The following KLHL20 variants were observed in gnomAD, a reference collection of about 807,000 sequenced individuals.
KLHL20 encodes kelch-like protein 20.
A neutral mutation model predicts 69.5 loss-of-function variants in KLHL20; 29 were observed. That is an observed-to-expected ratio of 0.42 (90% CI 0.31 to 0.57). The LOEUF (loss-of-function observed/expected upper bound fraction) is 0.57, where lower values mean the gene tolerates loss of function less well. KLHL20 is among the 20% of genes least tolerant of loss of function. KLHL20 has a pLI of 0.18. For missense variants in KLHL20, 419 were observed against 776.0 expected, an observed-to-expected ratio of 0.54 and a Z score of 5.47; for synonymous variants, 253 against 265.2, an observed-to-expected ratio of 0.95 and a Z score of 0.45.
intron 2 of KLHL20, among the ~76,000 whole-genome samples, chr1:173,725,804 C>T (rs891374869): frequency 6.6e-6 from 1 of 152,228 alleles, no homozygotes; most frequent in Non-Finnish European, 1.5e-5. Flanking sequence ...CTCCAGTCTA[C>T]AGCTTCCAGC....
At chr1:173,741,137 T>C (rs539410244) in intron 3 of KLHL20, among the ~76,000 whole-genome samples, 1 of 152,312 alleles carries the variant, frequency 6.6e-6, no homozygotes, top group South Asian at 2.1e-4. Context: ...TCTCATACTT[T>C]TGGGCACTCA....
intron 2 of KLHL20, among the ~76,000 whole-genome samples, chr1:173,730,651 AAAAC>A (rs1672224921): frequency 6.6e-6 from 1 of 152,254 alleles, no homozygotes; most frequent in African/African-American, 2.4e-5. Flanking sequence ...TGGTGCTGGG[AAAAC>A]TGGCTAGCTG....
chr1:173,738,361 G>A lies in KLHL20; in HGVS notation c.597+4075G>A, dbSNP rs546880894. Among the ~76,000 whole-genome samples, 8 of 152,196 alleles carry A rather than the reference G, an allele frequency of 5.3e-5. No homozygotes were observed. The South Asian group carries it at 1.0e-3, about 20-fold the overall frequency. ...TTTTTGTATTTTTCTGTAGAGACACGGTTTTGCCATGTTGCCCAGGCTGGT... is the reference window on the plus strand; with the variant it reads ...TTTTTGTATTTTTCTGTAGAGACACAGTTTTGCCATGTTGCCCAGGCTGGT... On this transcript the variant is annotated intron_variant, in intron 3 of 11. Transcript: ENST00000209884.
Position 173,731,417 on chromosome 1 carries a change from C to T in KLHL20, c.24-2296C>T, listed in dbSNP as rs559552320. On this transcript the variant is annotated intron_variant, in intron 2 of 11. Transcript: ENST00000209884. ...ATGCTGCTATAAAGACACATGCACA[C>T]GTATGTTCATTGTGGCACTATTCAC... Among the ~76,000 whole-genome samples, 132 of 152,234 alleles carry T rather than the reference C, an allele frequency of 8.7e-4. 3 individuals carry two copies. The South Asian group carries it at 0.013, about 15-fold the overall frequency.
At chr1:173,719,588 C>CAG (rs774294658) in intron 2 of KLHL20, among the ~76,000 whole-genome samples, 77 of 150,934 alleles carry the variant, frequency 5.1e-4, no homozygotes, top group Middle Eastern at 6.9e-3. Context: ...CACTGCACTC[C>CAG]AGCCTGATGA....
At chr1:173,775,889 A>G (rs768777822) in intron 10 of KLHL20, 47 bp downstream of exon 10, 1 of 1,514,220 alleles carries the variant, frequency 6.6e-7, no homozygotes, top group East Asian at 2.3e-5. Flanking sequence ...TTGGCTATTA[A>G]TAGTGCTGCA....
At chr1:173,779,599 C>G (rs1046121560) in intron 10 of KLHL20, among the ~76,000 whole-genome samples, 1 of 152,122 alleles carries the variant, frequency 6.6e-6, no homozygotes, top group Admixed American at 6.5e-5. Flanking sequence ...GATCCACCCC[C>G]CTCAGCCTCC....
intron 7 of KLHL20, among the ~76,000 whole-genome samples, chr1:173,760,738 C>T (rs563204999): frequency 2.0e-5 from 3 of 152,128 alleles, no homozygotes; most frequent in Non-Finnish European, 4.4e-5. Flanking sequence ...TGAAAGAAAT[C>T]CTGGAAACAC....
chr1:173,740,005 T>C (rs1207139733), intron 3 of KLHL20, among the ~76,000 whole-genome samples: 1 of 152,130 alleles, frequency 6.6e-6, no homozygotes, highest in Non-Finnish European at 1.5e-5. Flanking sequence ...ATCTTGATAA[T>C]GGTCTATCCA....
At chr1:173,757,215 A>G in intron 7 of KLHL20, 56 bp downstream of exon 7, 1 of 1,456,520 alleles carries the variant, frequency 6.9e-7, no homozygotes, top group Non-Finnish European at 9.3e-7. Flanking sequence ...TTTATTTGAG[A>G]TGTTAATTAG....
chr1:173,761,474 C>T (rs1339906349), intron 7 of KLHL20, among the ~76,000 whole-genome samples: 1 of 152,094 alleles, frequency 6.6e-6, no homozygotes, highest in Non-Finnish European at 1.5e-5. Context: ...CAAGATAGAC[C>T]ATAAGATAGG....
intron 3 of KLHL20, among the ~76,000 whole-genome samples, chr1:173,746,553 A>G (rs557163103): frequency 1.3e-5 from 2 of 152,232 alleles, no homozygotes; most frequent in East Asian, 3.9e-4. Flanking sequence ...GAGGTATACA[A>G]AGTAATCTCT....
intron 2 of KLHL20, among the ~76,000 whole-genome samples, chr1:173,732,835 A>T (rs1344621268): frequency 6.6e-6 from 1 of 152,172 alleles, no homozygotes; most frequent in Non-Finnish European, 1.5e-5. Context: ...GTACTTTTAA[A>T]TGAAGCTTAT....
At chr1:173,752,946 T>A (rs1255826685) in intron 4 of KLHL20, among the ~76,000 whole-genome samples, 1 of 152,008 alleles carries the variant, frequency 6.6e-6, no homozygotes, top group African/African-American at 2.4e-5. Context: ...GGCAGGCAGA[T>A]CACTTGAGCT....
intron 7 of KLHL20, among the ~76,000 whole-genome samples, chr1:173,761,178 A>G (rs555921115): frequency 2.6e-5 from 4 of 152,356 alleles, no homozygotes; most frequent in African/African-American, 9.6e-5. Flanking sequence ...GTCCGACAGA[A>G]AAATATCATA....
intron 8 of KLHL20, among the ~76,000 whole-genome samples, 190 bp downstream of exon 8, chr1:173,766,479 CAA>C (rs1216941305): frequency 1.4e-4 from 14 of 99,358 alleles, no homozygotes; most frequent in Admixed American, 1.1e-4. Context: ...ATAAAAAATA[CAA>C]AAAAAAAAAA....
At position 173,733,875 on chromosome 1, in the gene KLHL20, A is replaced by G; in HGVS notation, c.186A>G (p.Arg62=). 6.2e-7 allele frequency: 1 copy of G among 1,614,152 alleles called. No homozygotes were observed. The highest frequency in any genetic ancestry group is 8.5e-7 in the Non-Finnish European group (1 of 1,180,022). Residue 62 remains arginine (R), a synonymous_variant, in exon 3 of 12, where the codon AGA becomes AGG. Transcript: ENST00000209884. ...CCTTGGAAGTGATTAACCTTCTGAG[A>G]AAGCACCGGGAGCTATGTGATGTGG... The part of the protein sequence containing the change: ...RQTLEVINLL[R]KHRELCDVVL...
intron 7 of KLHL20, among the ~76,000 whole-genome samples, chr1:173,758,669 T>G (rs72709398): frequency 6.6e-6 from 1 of 152,078 alleles, no homozygotes; most frequent in Non-Finnish European, 1.5e-5. Flanking sequence ...CTGAGTCAAG[T>G]TAGAGAGGCA....
At chr1:173,765,192 T>C (rs1647612121) in intron 7 of KLHL20, among the ~76,000 whole-genome samples, 1 of 152,020 alleles carries the variant, frequency 6.6e-6, no homozygotes, top group East Asian at 1.9e-4. Context: ...AAGAGCAATT[T>C]GATAGGATTT....
Sources: allele counts gnomAD v4.1 joint callset (sites outside exome capture counted in the v4.1 genomes callset), GRCh38; gene constraint gnomAD v4.1.1; transcripts MANE v1.5; gene names NCBI Gene and HGNC (gene_info 2026-07-23, HGNC 2026-07-21).